MDGA2: variants seen among roughly 807,000 people sequenced by gnomAD.
The protein encoded by MDGA2 is MAM domain containing glycosylphosphatidylinositol anchor 2.
Under a neutral mutation model 117.8 loss-of-function variants are expected in MDGA2, and 40 were observed. The observed-to-expected ratio is 0.34, with a 90% CI of 0.26 to 0.44. The LOEUF (loss-of-function observed/expected upper bound fraction) is 0.44, where lower values mean the gene tolerates loss of function less well. Ranked by LOEUF, MDGA2 falls within the 20% of genes least tolerant of loss-of-function variation. The pLI is 1.00. For missense variants in MDGA2, 1,123 were observed against 1,250.6 expected (o/e 0.90, Z 1.54); for synonymous variants, 452 against 439.0 (o/e 1.03, Z -0.37).
intron 1 of MDGA2, among the ~76,000 whole-genome samples, chr14:47,567,408 A>G (rs1219010263): frequency 6.6e-6 from 1 of 152,200 alleles, no homozygotes; most frequent in Non-Finnish European, 1.5e-5. Flanking sequence ...TAGAAATGCT[A>G]CATGTTGAAT....
intron 8 of MDGA2, among the ~76,000 whole-genome samples, chr14:47,024,793 TTATAA>T (rs1238382062): frequency 6.6e-6 from 1 of 152,176 alleles, no homozygotes; most frequent in Non-Finnish European, 1.5e-5. Context: ...TATTTTAATG[TTATAA>T]TGCATGGTCA....
At chr14:47,622,103 ACTAT>A (rs1470743385) in intron 1 of MDGA2, among the ~76,000 whole-genome samples, 1 of 152,208 alleles carries the variant, frequency 6.6e-6, no homozygotes. Flanking sequence ...AAAGAACAAA[ACTAT>A]GTGTTTTATA....
At chr14:47,476,382 GT>G (rs1053260812) in intron 1 of MDGA2, among the ~76,000 whole-genome samples, 1 of 150,946 alleles carries the variant, frequency 6.6e-6, no homozygotes, top group Admixed American at 6.6e-5. Flanking sequence ...AACAACTTAG[GT>G]TTTTTTTTGT....
intron 3 of MDGA2, among the ~76,000 whole-genome samples, chr14:47,181,385 A>G (rs898942099): frequency 6.6e-6 from 1 of 152,188 alleles, no homozygotes; most frequent in African/African-American, 2.4e-5. Flanking sequence ...CTAAATGTCC[A>G]TCAATGATAG....
intron 1 of MDGA2, among the ~76,000 whole-genome samples, chr14:47,673,632 A>ATGTGTGTGTG (rs10528657): frequency 0.095 from 13,702 of 143,908 alleles, 723 homozygotes; most frequent in Non-Finnish European, 0.12. Flanking sequence ...TATGACCTGG[A>ATGTGTGTGTG]TGTGTGTGTG....
intron 14 of MDGA2, among the ~76,000 whole-genome samples, chr14:46,860,390 C>T (rs1361360568): frequency 6.6e-6 from 1 of 151,912 alleles, no homozygotes; most frequent in African/African-American, 2.4e-5. Context: ...TTGAACTAAT[C>T]GTATATTACA....
intron 8 of MDGA2, among the ~76,000 whole-genome samples, chr14:46,968,235 G>T (rs1204284608): frequency 6.6e-6 from 1 of 152,068 alleles, no homozygotes; most frequent in Non-Finnish European, 1.5e-5. Context: ...CAAGACAAGG[G>T]GAGATCACCT....
At chr14:47,242,537 G>A (rs1012900307) in intron 2 of MDGA2, among the ~76,000 whole-genome samples, 2 of 151,844 alleles carry the variant, frequency 1.3e-5, no homozygotes, top group African/African-American at 4.8e-5. Flanking sequence ...CGCACTTGGA[G>A]CAGCCAGCCA....
chr14:47,405,517 A>G (rs1892242938), intron 1 of MDGA2, among the ~76,000 whole-genome samples: 1 of 152,194 alleles, frequency 6.6e-6, no homozygotes, highest in Non-Finnish European at 1.5e-5. Flanking sequence ...ATGTTAAGCA[A>G]TGTTACTATT....
chr14:46,961,533 A>G (rs1481310662), intron 8 of MDGA2, among the ~76,000 whole-genome samples: 1 of 152,122 alleles, frequency 6.6e-6, no homozygotes, highest in Non-Finnish European at 1.5e-5. Context: ...TTTTCTGTAT[A>G]GTTATTTTGT....
At chr14:46,871,283 T>TAAAAG (rs1359776777) in intron 14 of MDGA2, 2 of 151,966 alleles carry the variant, frequency 1.3e-5, no homozygotes, top group African/African-American at 4.8e-5. Flanking sequence ...GAAAATCTAA[T>TAAAAG]AACTCACACC....
intron 1 of MDGA2, among the ~76,000 whole-genome samples, chr14:47,583,516 G>C (rs1334330643): frequency 6.6e-6 from 1 of 151,820 alleles, no homozygotes; most frequent in Non-Finnish European, 1.5e-5. Context: ...AAATACGTAT[G>C]TTGAGTTCTC....
intron 3 of MDGA2, among the ~76,000 whole-genome samples, chr14:47,202,909 A>C (rs1353067088): frequency 6.7e-6 from 1 of 150,084 alleles, no homozygotes; most frequent in Non-Finnish European, 1.5e-5. Context: ...ACATAGCTAA[A>C]TGCAATGTTA....
At chr14:47,171,167 G>GT (rs1278027623) in intron 3 of MDGA2, among the ~76,000 whole-genome samples, 3 of 152,008 alleles carry the variant, frequency 2.0e-5, no homozygotes, top group Non-Finnish European at 2.9e-5. Context: ...GAAATATTAT[G>GT]TTTTTTACAG....
At chr14:47,529,332 T>C (rs1268690176) in intron 1 of MDGA2, among the ~76,000 whole-genome samples, 2 of 152,174 alleles carry the variant, frequency 1.3e-5, no homozygotes, top group Non-Finnish European at 2.9e-5. Context: ...CAATTATCAC[T>C]TTTTAAATTT....
chr14:47,193,337 T>C (rs1447220247), intron 3 of MDGA2, among the ~76,000 whole-genome samples: 1 of 152,204 alleles, frequency 6.6e-6, no homozygotes, highest in African/African-American at 2.4e-5. Context: ...ACCATACCAC[T>C]ATTAACTACT....
chr14:47,420,378 C>G (rs1283849881), intron 1 of MDGA2, among the ~76,000 whole-genome samples: 1 of 152,114 alleles, frequency 6.6e-6, no homozygotes, highest in African/African-American at 2.4e-5. Context: ...ATTTTGGAAA[C>G]AGCAGTATCT....
At chr14:47,601,547 C>G (rs1056049369) in intron 1 of MDGA2, among the ~76,000 whole-genome samples, 6 of 152,080 alleles carry the variant, frequency 3.9e-5, no homozygotes, top group African/African-American at 1.4e-4. Context: ...GATAAAACAG[C>G]TCTATTCATT....
At chr14:47,364,194 AT>A (rs1269674186) in intron 1 of MDGA2, among the ~76,000 whole-genome samples, 15 of 152,202 alleles carry the variant, frequency 9.9e-5, no homozygotes, top group African/African-American at 3.6e-4. Flanking sequence ...TATGAGTCAT[AT>A]CTAAAGAGTA....
Sources: allele counts gnomAD v4.1 joint callset (sites outside exome capture counted in the v4.1 genomes callset), GRCh38; gene constraint gnomAD v4.1.1; transcripts MANE v1.5; gene names NCBI Gene and HGNC (gene_info 2026-07-23, HGNC 2026-07-21).